The following RBFOX1 variants were observed in gnomAD, a reference collection of about 807,000 sequenced individuals.
The protein encoded by RBFOX1 is RNA binding protein fox-1 homolog 1.
Under a neutral mutation model 57.7 loss-of-function variants are expected in RBFOX1, and 8 were observed. The ratio of observed to expected loss-of-function variants is 0.14; its 90% CI spans 0.08 to 0.25. The LOEUF is 0.25. Ranked by LOEUF, RBFOX1 falls within the 10% of genes least tolerant of loss-of-function variation. The pLI is 1.00. For missense variants in RBFOX1, 611 were observed against 548.5 expected (o/e 1.11, Z -1.14); for synonymous variants, 326 against 222.4 (o/e 1.47, Z -4.15).
chr16:6,127,869 G>A (rs2096601369), intron 1 of RBFOX1, among the ~76,000 whole-genome samples: 2 of 152,150 alleles, frequency 1.3e-5, no homozygotes, highest in Admixed American at 1.3e-4. Context: ...TTGGAGAAAA[G>A]GGAAGTTTTT....
chr16:6,311,778 G>T (rs747643408), intron 1 of RBFOX1, among the ~76,000 whole-genome samples: 1 of 152,134 alleles, frequency 6.6e-6, no homozygotes, highest in Non-Finnish European at 1.5e-5. Context: ...TTCCCATGGG[G>T]AGGGCTTCTA....
At chr16:5,873,683 G>C (rs1437749916) in intron 4 of RBFOX1, among the ~76,000 whole-genome samples, 1 of 152,176 alleles carries the variant, frequency 6.6e-6, no homozygotes, top group Non-Finnish European at 1.5e-5. Context: ...TAGAATAAAT[G>C]CTGTAGTTTC....
intron 2 of RBFOX1, among the ~76,000 whole-genome samples, chr16:6,550,552 C>A (rs1047573987): frequency 2.0e-5 from 3 of 152,010 alleles, no homozygotes; most frequent in Non-Finnish European, 4.4e-5. Flanking sequence ...TGTTGGACTC[C>A]TGACCTCAAG....
chr16:7,394,339 A>G (rs1225399048), intron 4 of RBFOX1, among the ~76,000 whole-genome samples: 1 of 151,116 alleles, frequency 6.6e-6, no homozygotes, highest in Non-Finnish European at 1.5e-5. Context: ...ATAAATAATG[A>G]CCTCTGCTTG....
chr16:5,579,449 G>C (rs895667355), intron 2 of RBFOX1, among the ~76,000 whole-genome samples: 1 of 152,000 alleles, frequency 6.6e-6, no homozygotes, highest in African/African-American at 2.4e-5. Flanking sequence ...GCATCCATGT[G>C]TGCACTCGTA....
intron 1 of RBFOX1, among the ~76,000 whole-genome samples, chr16:6,164,944 A>T (rs988306736): frequency 6.6e-6 from 1 of 152,142 alleles, no homozygotes; most frequent in Non-Finnish European, 1.5e-5. Flanking sequence ...TTGGGGGGAA[A>T]GTGTGCAGTT....
At chr16:6,557,018 TATATATAC>T (rs1217200493) in intron 2 of RBFOX1, among the ~76,000 whole-genome samples, 2 of 125,698 alleles carry the variant, frequency 1.6e-5, no homozygotes, top group African/African-American at 8.0e-5. Flanking sequence ...TATATATACA[TATATATAC>T]ATATATACAC....
At chr16:5,514,262 T>C (rs2043709544) in intron 2 of RBFOX1, among the ~76,000 whole-genome samples, 1 of 152,222 alleles carries the variant, frequency 6.6e-6, no homozygotes, top group African/African-American at 2.4e-5. Context: ...TCAGCTAGAA[T>C]GGCCAGGGCA....
intron 1 of RBFOX1, among the ~76,000 whole-genome samples, chr16:5,380,782 C>A (rs969390851): frequency 6.6e-6 from 1 of 152,204 alleles, no homozygotes; most frequent in East Asian, 1.9e-4. Flanking sequence ...AAACCTTCAG[C>A]GCCTCTGTGA....
chr16:7,340,094 C>G (rs970498080), intron 4 of RBFOX1, among the ~76,000 whole-genome samples: 2 of 152,230 alleles, frequency 1.3e-5, no homozygotes, highest in Admixed American at 6.5e-5. Flanking sequence ...CATCTAATCT[C>G]TGGTTGCCCA....
intron 4 of RBFOX1, among the ~76,000 whole-genome samples, chr16:7,498,071 A>G (rs1242800383): frequency 1.3e-5 from 2 of 152,200 alleles, no homozygotes; most frequent in African/African-American, 4.8e-5. Flanking sequence ...AGTGAAAGTT[A>G]TGTTCTGTTC....
chr16:5,558,630 AAT>A (rs2045771401), intron 2 of RBFOX1, among the ~76,000 whole-genome samples: 1 of 152,080 alleles, frequency 6.6e-6, no homozygotes, highest in Non-Finnish European at 1.5e-5. Context: ...GGCCACTGAG[AAT>A]AGTTTCAGTC....
intron 1 of RBFOX1, among the ~76,000 whole-genome samples, chr16:6,094,224 C>T (rs1439836444): frequency 2.0e-5 from 3 of 152,154 alleles, no homozygotes; most frequent in Non-Finnish European, 1.5e-5. Context: ...GGAAGACCAG[C>T]CATTTCCCTT....
intron 4 of RBFOX1, among the ~76,000 whole-genome samples, chr16:7,494,963 C>T (rs148969780): frequency 1.1e-3 from 162 of 149,502 alleles, no homozygotes; most frequent in African/African-American, 3.8e-3. Context: ...TAGTTTTTTA[C>T]TCCATTCCTT....
chr16:6,881,821 C>T (rs2153338657), intron 3 of RBFOX1, among the ~76,000 whole-genome samples: 1 of 151,630 alleles, frequency 6.6e-6, no homozygotes, highest in African/African-American at 2.4e-5. Context: ...TACTTTTATT[C>T]TCCCTATTTT....
intron 2 of RBFOX1, among the ~76,000 whole-genome samples, chr16:6,499,979 C>T (rs533288727): frequency 6.6e-6 from 1 of 152,226 alleles, no homozygotes; most frequent in South Asian, 2.1e-4. Context: ...TCGTGAAGGG[C>T]TTTCAGCATT....
At chr16:5,415,191 G>T (rs572266828) in intron 1 of RBFOX1, among the ~76,000 whole-genome samples, 4 of 152,298 alleles carry the variant, frequency 2.6e-5, no homozygotes, top group African/African-American at 9.6e-5. Flanking sequence ...TTAACTTGCA[G>T]TTCTATGTGG....
chr16:7,346,500 T>G (rs2076526542), intron 4 of RBFOX1, among the ~76,000 whole-genome samples: 1 of 152,076 alleles, frequency 6.6e-6, no homozygotes, highest in Non-Finnish European at 1.5e-5. Flanking sequence ...CATGTTAGCA[T>G]TGGTTCTAAA....
At chr16:5,422,895 AAGG>A (rs937678607) in intron 1 of RBFOX1, among the ~76,000 whole-genome samples, 6 of 107,396 alleles carry the variant, frequency 5.6e-5, no homozygotes, top group Admixed American at 1.9e-4. Flanking sequence ...TGGGAGGAGG[AAGG>A]AGGGGAGGAA....
Sources: allele counts gnomAD v4.1 joint callset (sites outside exome capture counted in the v4.1 genomes callset), GRCh38; gene constraint gnomAD v4.1.1; transcripts MANE v1.5; gene names NCBI Gene and HGNC (gene_info 2026-07-23, HGNC 2026-07-21).